Variants in CHIC2 observed in about 807,000 individuals in gnomAD.
CHIC2 encodes the protein cysteine rich hydrophobic domain 2, also known as cysteine-rich hydrophobic domain-containing protein 2.
A neutral mutation model predicts 25.9 loss-of-function variants in CHIC2; 14 were observed. The observed-to-expected ratio is 0.54, with a 90% confidence interval of 0.36 to 0.85. The LOEUF is 0.85. Ranked by LOEUF, CHIC2 falls within the 40% of genes least tolerant of loss-of-function variation. The pLI, the probability that CHIC2 is intolerant of heterozygous loss-of-function variation, is 0.01. For missense variants in CHIC2, 146 were observed against 202.0 expected (o/e 0.72, Z 1.68); for synonymous variants, 70 against 72.0 (o/e 0.97, Z 0.14).
At chr4:54,049,171 T>C in intron 2 of CHIC2, 61 bp from the exon 3 acceptor site, 2 of 1,568,178 alleles carry the variant, frequency 1.3e-6, no homozygotes. Context: ...ACATGACTGA[T>C]GAGCATACTT....
the CHIC2 span, among the ~76,000 whole-genome samples, chr4:54,089,709 T>C: frequency 2.0e-5 from 3 of 152,206 alleles, no homozygotes; most frequent in East Asian, 1.9e-4. Context: ...TCAGCTCCTA[T>C]AGGTTCTTGC....
At chr4:54,035,065 ACTT>A (rs1319533619) in intron 3 of CHIC2, among the ~76,000 whole-genome samples, 2 of 152,184 alleles carry the variant, frequency 1.3e-5, no homozygotes, top group Non-Finnish European at 2.9e-5. Context: ...AACCAACCTT[ACTT>A]ACCTTCCTGG....
chr4:54,090,124 C>T, the CHIC2 span, among the ~76,000 whole-genome samples: 1 of 151,968 alleles, frequency 6.6e-6, no homozygotes, highest in Admixed American at 6.6e-5. Flanking sequence ...ACATCTGGTC[C>T]CAAGCATTTC....
chr4:54,056,714 A>G (rs1227461124), intron 1 of CHIC2, among the ~76,000 whole-genome samples: 2 of 152,210 alleles, frequency 1.3e-5, no homozygotes, highest in African/African-American at 4.8e-5. Context: ...AGAGAAAAAA[A>G]GCTTAAGAAC....
chr4:54,073,940 A>AAT, the CHIC2 span, among the ~76,000 whole-genome samples: 1 of 152,176 alleles, frequency 6.6e-6, no homozygotes, highest in African/African-American at 2.4e-5. Context: ...GCAGATCACA[A>AAT]GGTCAAGAGA....
intron 3 of CHIC2, among the ~76,000 whole-genome samples, chr4:54,018,814 T>C (rs2110062343): frequency 6.6e-6 from 1 of 152,186 alleles, no homozygotes; most frequent in African/African-American, 2.4e-5. Context: ...AATTAAAATG[T>C]ATTTGAATTG....
the CHIC2 span, among the ~76,000 whole-genome samples, chr4:54,089,414 T>TATAC: frequency 1.7e-5 from 2 of 117,816 alleles, no homozygotes; most frequent in Admixed American, 8.8e-5. Flanking sequence ...TATATATATA[T>TATAC]ACACACACAT....
intron 1 of CHIC2, 89 bp from the exon 2 acceptor site, chr4:54,049,394 A>G: frequency 1.3e-6 from 1 of 769,618 alleles, no homozygotes. Flanking sequence ...GTCAATAGAA[A>G]GCATTTTCAC....
In CHIC2 at chr4:54,053,530, G is replaced by A. The variant is rs894112254; in HGVS notation, c.120-4225C>T. On this transcript the variant is annotated intron_variant, in intron 1 of 5. Transcript: ENST00000263921. ...AGATTGCGTCACTGCACTCCAGCCC[G>A]GGCTGACAACAGTGAGACTCAGTCT... 6.1e-5 allele frequency among the ~76,000 whole-genome samples: 9 copies of A among 147,120 alleles called. No individual in the cohort carries two copies. The East Asian group carries it at 7.9e-4, about 13-fold the overall frequency.
intron 3 of CHIC2, among the ~76,000 whole-genome samples, chr4:54,045,388 C>G (rs965218860): frequency 1.3e-5 from 2 of 152,118 alleles, no homozygotes; most frequent in African/African-American, 4.8e-5. Context: ...AACAGTGATG[C>G]AAAAATTCTC....
the CHIC2 span, among the ~76,000 whole-genome samples, chr4:54,077,896 T>C: frequency 6.6e-6 from 1 of 152,216 alleles, no homozygotes; most frequent in South Asian, 2.1e-4. Flanking sequence ...AATTACAGCA[T>C]GAATGTTGAC....
intron 1 of CHIC2, among the ~76,000 whole-genome samples, chr4:54,056,257 G>A (rs1717170456): frequency 1.3e-5 from 2 of 152,056 alleles, no homozygotes; most frequent in Admixed American, 6.6e-5. Flanking sequence ...GCGATATAGG[G>A]ATGCAGCTGA....
intron 3 of CHIC2, among the ~76,000 whole-genome samples, chr4:54,033,325 A>T (rs1398093446): frequency 6.6e-6 from 1 of 152,176 alleles, no homozygotes; most frequent in Non-Finnish European, 1.5e-5. Flanking sequence ...AAAAAATGCT[A>T]ATTTTTCATT....
intron 3 of CHIC2, among the ~76,000 whole-genome samples, chr4:54,020,867 A>T (rs11945815): frequency 0.36 from 54,935 of 151,928 alleles, 10,375 homozygotes; most frequent in African/African-American, 0.44. Context: ...TTCACCCACA[A>T]TTCACTGGTG....
At chr4:54,049,475 G>T (rs191101955) in intron 1 of CHIC2, among the ~76,000 whole-genome samples, 170 bp from the exon 2 acceptor site, 233 of 152,278 alleles carry the variant, frequency 1.5e-3, no homozygotes, top group African/African-American at 5.4e-3. Context: ...TTTATGAAAT[G>T]TAACAATTAT....
At chr4:54,085,722 C>T in the CHIC2 span, among the ~76,000 whole-genome samples, 146 of 152,186 alleles carry the variant, frequency 9.6e-4, 2 homozygotes, top group South Asian at 0.027. Context: ...TTCCACAGGC[C>T]GACAGTGGAG....
intron 3 of CHIC2, among the ~76,000 whole-genome samples, chr4:54,044,492 C>T (rs1716705520): frequency 6.6e-6 from 1 of 152,182 alleles, no homozygotes; most frequent in African/African-American, 2.4e-5. Context: ...GATTAAGAAA[C>T]TCACTCAAAA....
intron 3 of CHIC2, among the ~76,000 whole-genome samples, chr4:54,025,194 C>CT (rs1284568342): frequency 6.6e-6 from 1 of 152,194 alleles, no homozygotes; most frequent in Non-Finnish European, 1.5e-5. Flanking sequence ...CCTGAAGCAA[C>CT]TGAAGATCCA....
At chr4:54,087,824 T>A in the CHIC2 span, 1 of 385,792 alleles carries the variant, frequency 2.6e-6, no homozygotes. Flanking sequence ...CCCTGAGATC[T>A]GGAAACACTT....
Sources: gnomAD v4.1 joint callset for allele counts (sites outside exome capture counted in the v4.1 genomes callset) on GRCh38, gnomAD v4.1.1 for gene constraint, MANE v1.5 for transcripts, NCBI Gene and HGNC (gene_info 2026-07-23, HGNC 2026-07-21) for gene names.